The following BTLA variants were observed in gnomAD, a reference collection of about 807,000 sequenced individuals.
The protein encoded by BTLA is B- and T-lymphocyte attenuator.
BTLA carries 11 observed loss-of-function variants against 25.0 expected under a neutral mutation model. The ratio of observed to expected loss-of-function variants is 0.44; its 90% CI spans 0.28 to 0.73. The LOEUF is 0.73. Ranked by LOEUF, BTLA falls within the 30% of genes least tolerant of loss-of-function variation. The pLI, the probability that BTLA is intolerant of heterozygous loss-of-function variation, is 0.15. For synonymous variants in BTLA, 104 were observed against 119.8 expected (o/e 0.87, Z 0.86); for missense variants, 282 against 332.8 (o/e 0.85, Z 1.19).
chr3:112,478,383 A>G (rs1014834407), intron 2 of BTLA, among the ~76,000 whole-genome samples: 1 of 152,030 alleles, frequency 6.6e-6, no homozygotes, highest in African/African-American at 2.4e-5. Flanking sequence ...ATTCATTTTG[A>G]TGCTATTGTA....
chr3:112,467,837 C>T (rs1201891767), intron 4 of BTLA, among the ~76,000 whole-genome samples: 1 of 152,218 alleles, frequency 6.6e-6, no homozygotes, highest in Non-Finnish European at 1.5e-5. Context: ...GTCAAGTGAA[C>T]TGAAAAATAG....
chr3:112,482,740 A>T (rs2107324273), intron 1 of BTLA, among the ~76,000 whole-genome samples: 1 of 152,342 alleles, frequency 6.6e-6, no homozygotes, highest in East Asian at 1.9e-4. Context: ...AGTTGCTTCC[A>T]AAAGTTTAGA....
At chr3:112,470,804 A>G (rs1044429870) in intron 3 of BTLA, among the ~76,000 whole-genome samples, 1 of 152,226 alleles carries the variant, frequency 6.6e-6, no homozygotes, top group Non-Finnish European at 1.5e-5. Flanking sequence ...TGGGATTGGC[A>G]TGATGTGGTG....
At chr3:112,477,067 T>C (rs1223448088) in intron 2 of BTLA, among the ~76,000 whole-genome samples, 1 of 152,212 alleles carries the variant, frequency 6.6e-6, no homozygotes, top group Non-Finnish European at 1.5e-5. Flanking sequence ...CTACATTTCC[T>C]TTATCCATTC....
intron 1 of BTLA, among the ~76,000 whole-genome samples, chr3:112,487,539 C>T (rs1305758144): frequency 1.3e-5 from 2 of 151,422 alleles, no homozygotes; most frequent in African/African-American, 4.9e-5. Flanking sequence ...GAGCTGAGAT[C>T]GTGCCATTGC....
Position 112,487,203 on chromosome 3 carries a change from T to C in BTLA, c.89-7434A>G, listed in dbSNP as rs558910831. On this transcript the variant is annotated intron_variant, in intron 1 of 4. Coordinates refer to ENST00000334529, the MANE Select transcript of BTLA (RefSeq NM_181780.4). ...ATATCATAAAACTCAACAGTAACCA[T>C]AGTATTTAGAACTTAGACCAAAAAT... Among the ~76,000 whole-genome samples the C allele has an allele frequency of 8.5e-5, 13 of 152,344 alleles. No homozygotes were observed. The East Asian group carries it at 1.5e-3, about 18-fold the overall frequency.
At chr3:112,472,973 C>A (rs1364742414) in intron 2 of BTLA, among the ~76,000 whole-genome samples, 1 of 151,924 alleles carries the variant, frequency 6.6e-6, no homozygotes, top group African/African-American at 2.4e-5. Context: ...ACAAACAGAT[C>A]TGCTGGATCA....
chr3:112,494,632 T>C (rs559031842), intron 1 of BTLA, among the ~76,000 whole-genome samples: 1 of 152,298 alleles, frequency 6.6e-6, no homozygotes, highest in Non-Finnish European at 1.5e-5. Context: ...GAAGCCATCA[T>C]CCTAAGCAAA....
intron 1 of BTLA, among the ~76,000 whole-genome samples, chr3:112,480,011 A>G (rs767734942): frequency 1.3e-5 from 2 of 152,214 alleles, no homozygotes; most frequent in Admixed American, 1.3e-4. Context: ...CTAAGCCATC[A>G]TATACCCTGT....
rs114922995 is a variant in BTLA, at chr3:112,464,230, T to A, written c.*1878A>T. 1.2e-3 allele frequency: 495 copies of A among 397,704 alleles called. 4 individuals are homozygous for A. The highest frequency in any genetic ancestry group is 9.4e-3 in the African/African-American group (459 of 48,718). The allele number at this position is 397,704 out of a possible 1,614,324, so 24.6% of individuals were successfully genotyped here. A position where few individuals can be genotyped will look rare whatever the true frequency, so the allele number is the denominator to read the frequency against. On this transcript the variant is annotated 3_prime_UTR_variant, in exon 5 of 5. Coordinates refer to ENST00000334529, the MANE Select transcript of BTLA (RefSeq NM_181780.4). ...CAAATATATTAATACATCTTAGAGATGAAATCATTATCAGCATTATCTTTA... is the reference window on the plus strand; with the variant it reads ...CAAATATATTAATACATCTTAGAGAAGAAATCATTATCAGCATTATCTTTA...
intron 4 of BTLA, 79 bp from the exon 5 acceptor site, chr3:112,466,462 A>G: frequency 7.6e-7 from 1 of 1,324,186 alleles, no homozygotes; most frequent in Non-Finnish European, 1.0e-6. Context: ...TATGAATGAA[A>G]AGCTTAAATG....
In BTLA at chr3:112,483,147, T is replaced by C. The variant is rs796939319; in HGVS notation, c.89-3378A>G. On this transcript the variant is annotated intron_variant, in intron 1 of 4. Coordinates refer to ENST00000334529, the MANE Select transcript of BTLA (RefSeq NM_181780.4). ...AACAAAGAGGGCACCTTTCTTTTTT[T>C]TTTTTTTTTTTTTTTTTGAGACAAG... Among the ~76,000 whole-genome samples the C allele has an allele frequency of 4.2e-3, 601 of 142,202 alleles. 11 individuals are homozygous for C. The highest frequency in any genetic ancestry group is 0.015 in the African/African-American group (571 of 38,292). 93.3% of individuals were successfully genotyped at this position (142,202 alleles called of 152,430 possible). A position where few individuals can be genotyped will look rare whatever the true frequency, so the allele number is the denominator to read the frequency against.
Position 112,499,338 on chromosome 3 carries a change from C to T in BTLA, c.21G>A (p.Met7Ile). 1 of 1,613,748 alleles carries T rather than the reference C, an allele frequency of 6.2e-7. No homozygotes were observed. The highest frequency in any genetic ancestry group is 8.5e-7 in the Non-Finnish European group (1 of 1,179,876). MKTLPA[M>I]LGTGKLFWVF... is the part of the protein sequence containing the mutation. Reference sequence around the variant, plus strand: ...CCCAAAATAATTTCCCAGTTCCAAGCATGGCAGGCAATGTCTTCATTTCCT... The same window carrying T: ...CCCAAAATAATTTCCCAGTTCCAAGTATGGCAGGCAATGTCTTCATTTCCT... The change falls in exon 1 of 5, where the codon ATG becomes ATA. Residue 7 changes from methionine (M) to isoleucine (I), a missense_variant. Met to Ile is a conservative substitution (Grantham distance 10). Coordinates refer to ENST00000334529, the MANE Select transcript of BTLA (RefSeq NM_181780.4).
intron 2 of BTLA, among the ~76,000 whole-genome samples, chr3:112,477,927 C>T (rs541519861): frequency 1.3e-5 from 2 of 152,006 alleles, no homozygotes; most frequent in African/African-American, 4.8e-5. Context: ...AATCAATTGA[C>T]TACGGATGTA....
At chr3:112,478,474 C>A (rs567478713) in intron 2 of BTLA, among the ~76,000 whole-genome samples, 1 of 151,936 alleles carries the variant, frequency 6.6e-6, no homozygotes, top group South Asian at 2.1e-4. Flanking sequence ...GTGTGTTGAT[C>A]CTGTATCATG....
chr3:112,481,150 GATGCTT>G (rs1219877164), intron 1 of BTLA, among the ~76,000 whole-genome samples: 4 of 152,200 alleles, frequency 2.6e-5, no homozygotes, highest in Admixed American at 2.6e-4. Flanking sequence ...GGGCTTGGTT[GATGCTT>G]CAGCACTCAC....
intron 1 of BTLA, among the ~76,000 whole-genome samples, chr3:112,488,606 A>G (rs1393689857): frequency 6.7e-6 from 1 of 148,946 alleles, no homozygotes; most frequent in Non-Finnish European, 1.5e-5. Context: ...TGTGAGATGC[A>G]TCACTCCTTT....
intron 4 of BTLA, among the ~76,000 whole-genome samples, chr3:112,468,261 C>A (rs2082240914): frequency 6.6e-6 from 1 of 152,188 alleles, no homozygotes; most frequent in South Asian, 2.1e-4. Flanking sequence ...CCTCAAAGGA[C>A]CGTTTTGGAT....
Position 112,464,945 on chromosome 3 carries a change from GA to G in BTLA, c.*1162del, listed in dbSNP as rs2082217416. 6.6e-6 allele frequency: 1 copy of G among 152,080 alleles called. No homozygotes were observed. Among genetic ancestry groups the G allele is most frequent in the African/African-American group, 2.4e-5 (1 of 41,400 alleles). The allele number at this position is 152,080 out of a possible 1,614,324, so 9.4% of individuals were successfully genotyped here. A position where few individuals can be genotyped will look rare whatever the true frequency, so the allele number is the denominator to read the frequency against. On this transcript the variant is annotated 3_prime_UTR_variant, in exon 5 of 5. Transcript: ENST00000334529. The stretch of plus-strand genomic sequence containing the variant: ...ATTCAGTAGCAGCACCTGAGAATTC[GA>G]ATAGCCTCAAACTGTTGAATAAAAT...
Sources: allele counts gnomAD v4.1 joint callset (sites outside exome capture counted in the v4.1 genomes callset), GRCh38; gene constraint gnomAD v4.1.1; transcripts MANE v1.5; gene names NCBI Gene and HGNC (gene_info 2026-07-23, HGNC 2026-07-21).